IMMP2L: variants seen among roughly 807,000 people sequenced by gnomAD.
The protein encoded by IMMP2L is inner mitochondrial membrane peptidase subunit 2.
A neutral mutation model predicts 19.3 loss-of-function variants in IMMP2L; 18 were observed. That is an observed-to-expected ratio of 0.93 (90% CI 0.64 to 1.38). IMMP2L has a LOEUF of 1.38. Among genes scored for constraint, IMMP2L ranks in the 40% most tolerant of loss-of-function variants. The pLI is 0.00. For missense variants in IMMP2L, 233 were observed against 218.2 expected (o/e 1.07, Z -0.43); for synonymous variants, 76 against 73.0 (o/e 1.04, Z -0.21).
intron 3 of IMMP2L, among the ~76,000 whole-genome samples, chr7:111,039,506 G>A (rs1223889059): frequency 6.6e-6 from 1 of 152,042 alleles, no homozygotes; most frequent in Non-Finnish European, 1.5e-5. Flanking sequence ...ATACCACCTG[G>A]AAAATAAAAA....
At chr7:111,372,172 A>G (rs1465344144) in intron 3 of IMMP2L, among the ~76,000 whole-genome samples, 2 of 152,024 alleles carry the variant, frequency 1.3e-5, no homozygotes, top group Non-Finnish European at 2.9e-5. Context: ...TGCTTGAGGA[A>G]ATGGATACCC....
intron 3 of IMMP2L, among the ~76,000 whole-genome samples, chr7:111,262,444 A>G (rs1448147458): frequency 2.6e-5 from 4 of 152,036 alleles, no homozygotes; most frequent in African/African-American, 7.2e-5. Context: ...GAAGCCCTGC[A>G]GCAGTGCTGT....
chr7:111,061,040 A>G (rs895157021), intron 3 of IMMP2L, among the ~76,000 whole-genome samples: 63 of 152,376 alleles, frequency 4.1e-4, no homozygotes, highest in Non-Finnish European at 7.3e-5. Flanking sequence ...GACTTGCAAT[A>G]GAACAGTGTT....
chr7:110,995,121 A>G (rs1325743253), intron 3 of IMMP2L, among the ~76,000 whole-genome samples: 3 of 152,132 alleles, frequency 2.0e-5, no homozygotes, highest in Non-Finnish European at 4.4e-5. Context: ...TCATTTGTTC[A>G]TACCAAGACC....
chr7:111,427,553 A>C (rs1836206089), intron 3 of IMMP2L, among the ~76,000 whole-genome samples: 1 of 151,864 alleles, frequency 6.6e-6, no homozygotes, highest in African/African-American at 2.4e-5. Flanking sequence ...TTGAAATAGA[A>C]AGAAGTGAGA....
chr7:111,136,863 T>A (rs1802397003), intron 3 of IMMP2L, among the ~76,000 whole-genome samples: 1 of 152,140 alleles, frequency 6.6e-6, no homozygotes, highest in Admixed American at 6.5e-5. Context: ...CAACCATATT[T>A]TATATTATCA....
intron 3 of IMMP2L, among the ~76,000 whole-genome samples, chr7:111,274,895 C>T (rs567708029): frequency 2.6e-5 from 4 of 152,090 alleles, no homozygotes; most frequent in Non-Finnish European, 5.9e-5. Flanking sequence ...TGAAAAGATA[C>T]CAGCATTCCC....
intron 3 of IMMP2L, among the ~76,000 whole-genome samples, chr7:111,017,013 T>G (rs919740437): frequency 7.5e-6 from 1 of 133,346 alleles, no homozygotes; most frequent in Non-Finnish European, 1.5e-5. Context: ...ATATAAACAT[T>G]ATAGTCATTA....
intron 5 of IMMP2L, among the ~76,000 whole-genome samples, chr7:110,843,198 T>C (rs1170155301): frequency 6.6e-6 from 1 of 152,156 alleles, no homozygotes; most frequent in Admixed American, 6.5e-5. Context: ...AGTAAATGTT[T>C]AAGATGTTTT....
chr7:110,910,737 A>G (rs946288478), intron 4 of IMMP2L, among the ~76,000 whole-genome samples: 7 of 152,150 alleles, frequency 4.6e-5, no homozygotes, highest in African/African-American at 1.7e-4. Context: ...GATTTCGTCA[A>G]GTGGAAAGGT....
At chr7:111,243,851 A>G (rs1344722023) in intron 3 of IMMP2L, among the ~76,000 whole-genome samples, 3 of 10,066 alleles carry the variant, frequency 3.0e-4, no homozygotes, top group African/African-American at 1.3e-3. Flanking sequence ...TGAACTCATC[A>G]TTTTTTATGG....
intron 5 of IMMP2L, among the ~76,000 whole-genome samples, chr7:110,841,469 T>C (rs1395584494): frequency 6.6e-6 from 1 of 152,064 alleles, no homozygotes. Flanking sequence ...TCTATAGATG[T>C]TTATTTTTAG....
At chr7:111,306,460 T>C (rs1369784924) in intron 3 of IMMP2L, among the ~76,000 whole-genome samples, 1 of 152,138 alleles carries the variant, frequency 6.6e-6, no homozygotes, top group African/African-American at 2.4e-5. Context: ...TCTGTGAAAC[T>C]AAAACTTCTC....
At chr7:111,107,201 C>CCA in intron 3 of IMMP2L, among the ~76,000 whole-genome samples, 1 of 151,786 alleles carries the variant, frequency 6.6e-6, no homozygotes, top group Non-Finnish European at 1.5e-5. Flanking sequence ...CTCCCTTCTT[C>CCA]CTTCTCTCTT....
At chr7:110,698,409 C>T (rs978998848) in intron 5 of IMMP2L, among the ~76,000 whole-genome samples, 49 of 152,018 alleles carry the variant, frequency 3.2e-4, no homozygotes, top group African/African-American at 1.0e-3. Flanking sequence ...AGTAGCTGCC[C>T]GTGAATATAT....
chr7:111,230,329 C>A (rs1412877552), intron 3 of IMMP2L, among the ~76,000 whole-genome samples: 1 of 151,834 alleles, frequency 6.6e-6, no homozygotes, highest in Non-Finnish European at 1.5e-5. Flanking sequence ...GGTCTGATAC[C>A]AATTCAAACA....
Position 110,663,087 on chromosome 7 carries a change from C to A in IMMP2L, c.*515G>T, listed in dbSNP as rs1476687603. 1 of 153,954 alleles carries A rather than the reference C, an allele frequency of 6.5e-6. No homozygotes were observed. The highest frequency in any genetic ancestry group is 1.4e-5 in the Non-Finnish European group (1 of 69,298). The allele number at this position is 153,954 out of a possible 1,614,324, so 9.5% of individuals were successfully genotyped here. On this transcript the variant is annotated 3_prime_UTR_variant, in exon 6 of 6. Transcript: ENST00000405709. ...TGTTTTATTTTAACATCACTGTTTA[C>A]TGTTCTTCCTAACTGGCAGTTACTC...
At position 111,562,491 on chromosome 7, in the gene IMMP2L, T is replaced by A. The variant is rs1231346205; in HGVS notation, c.-643A>T. ...GCTGCGCAGCTCAGCCCGGGGGAAG[T>A]CCCCGCGCAGACCCCGCCCTCCGCC... On this transcript the variant is annotated 5_prime_UTR_variant, in exon 1 of 6. Coordinates refer to ENST00000405709, the MANE Select transcript of IMMP2L (RefSeq NM_032549.4). 4.7e-5 allele frequency: 7 copies of A among 150,448 alleles called. No individual in the cohort carries two copies. The highest frequency in any genetic ancestry group is 1.3e-4 in the Admixed American group (2 of 15,138). The allele number at this position is 150,448 out of a possible 1,614,324, so 9.3% of individuals were successfully genotyped here. A position where few individuals can be genotyped will look rare whatever the true frequency, so the allele number is the denominator to read the frequency against.
chr7:111,481,876 C>T, intron 3 of IMMP2L, among the ~76,000 whole-genome samples: 1 of 152,110 alleles, frequency 6.6e-6, no homozygotes, highest in East Asian at 1.9e-4. Flanking sequence ...TGTAATTTTA[C>T]ATTTTCTACT....
Sources: allele counts gnomAD v4.1 joint callset (sites outside exome capture counted in the v4.1 genomes callset), GRCh38; gene constraint gnomAD v4.1.1; transcripts MANE v1.5; gene names NCBI Gene and HGNC (gene_info 2026-07-23, HGNC 2026-07-21).